Variants in ZFPM1 observed in about 807,000 individuals in gnomAD.
ZFPM1 encodes the protein zinc finger protein ZFPM1.
ZFPM1 carries 28 observed loss-of-function variants against 46.3 expected under a neutral mutation model. The observed-to-expected ratio is 0.60, with a 90% CI of 0.45 to 0.83. ZFPM1 has a LOEUF of 0.83. Among genes scored for constraint, ZFPM1 ranks in the 40% least tolerant of loss-of-function variants. The probability of loss-of-function intolerance (pLI) is 0.00; values close to 1 mark genes in which losing one functional copy is unlikely to be tolerated. For synonymous variants in ZFPM1, 957 were observed against 675.9 expected, an observed-to-expected ratio of 1.42 and a Z score of -6.45; for missense variants, 1,878 against 1,432.4, an observed-to-expected ratio of 1.31 and a Z score of -5.02.
Position 88,532,875 on chromosome 16 carries a change from G to A in ZFPM1, c.1129G>A (p.Gly377Ser). The A allele has an allele frequency of 1.2e-6, 2 of 1,613,390 alleles. No individual in the cohort carries two copies. Among genetic ancestry groups the A allele is most frequent in the Non-Finnish European group, 1.7e-6 (2 of 1,179,960 alleles). Residue 377 changes from glycine to serine, a missense_variant, in exon 9 of 10, where the codon GGC becomes AGC. Physicochemically the swap from Gly to Ser is moderately conservative, Grantham distance 56. Transcript: ENST00000319555. Reference protein sequence around the residue: ...LVTNHMVCQPGSKGEIYSPGA... With the variant: ...LVTNHMVCQPSSKGEIYSPGA... ...CACCAACCACATGGTCTGCCAGCCT[G>A]GCTCCAAGGGTGAGATCTACTCGCC...
chr16:88,456,016 C>G (rs1907543536), intron 1 of ZFPM1, among the ~76,000 whole-genome samples: 1 of 152,154 alleles, frequency 6.6e-6, no homozygotes, highest in South Asian at 2.1e-4. Context: ...CAGGCCCGGC[C>G]GGGTTGGAGA....
intron 1 of ZFPM1, among the ~76,000 whole-genome samples, chr16:88,454,057 C>G (rs1362951318): frequency 6.6e-6 from 1 of 152,258 alleles, no homozygotes; most frequent in African/African-American, 2.4e-5. Context: ...TTCTGCAAGT[C>G]CCGTCCTGAT....
chr16:88,466,351 A>C (rs1351198492), intron 1 of ZFPM1, among the ~76,000 whole-genome samples: 1 of 152,230 alleles, frequency 6.6e-6, no homozygotes, highest in African/African-American at 2.4e-5. Flanking sequence ...CTGAAGGCTC[A>C]GCGAGGTTGA....
Position 88,489,162 on chromosome 16 carries a change from G to A in ZFPM1, c.268+9G>A, listed in dbSNP as rs369970034. 1.8e-5 allele frequency: 29 copies of A among 1,589,394 alleles called. No individual in the cohort carries two copies. Among genetic ancestry groups the A allele is most frequent in the East Asian group, 1.4e-4 (6 of 42,950 alleles). ...TCCCTGGAGCGGGCCAGGTAACCACGCGGGTGGTGGGGGCAGCAGCATCGC... is the reference window on the plus strand; with the variant it reads ...TCCCTGGAGCGGGCCAGGTAACCACACGGGTGGTGGGGGCAGCAGCATCGC... On this transcript the variant is annotated intron_variant, in intron 3 of 9. Coordinates refer to ENST00000319555, the MANE Select transcript of ZFPM1 (RefSeq NM_153813.3).
At chr16:88,476,843 G>T (rs1053973201) in intron 1 of ZFPM1, among the ~76,000 whole-genome samples, 7 of 152,240 alleles carry the variant, frequency 4.6e-5, no homozygotes, top group Non-Finnish European at 4.4e-5. Context: ...CAGGGAATTT[G>T]AGGGCCCGAG....
chr16:88,490,718 A>G (rs900576732), intron 3 of ZFPM1, among the ~76,000 whole-genome samples: 5 of 151,980 alleles, frequency 3.3e-5, no homozygotes, highest in African/African-American at 1.2e-4. Context: ...AGCCAGGAGG[A>G]TGACCCGGCC....
chr16:88,474,228 G>A (rs1056979143), intron 1 of ZFPM1, among the ~76,000 whole-genome samples: 6 of 152,084 alleles, frequency 3.9e-5, no homozygotes, highest in South Asian at 4.1e-4. Flanking sequence ...TGCCCCGCCC[G>A]GGCCACTGCC....
At chr16:88,465,960 G>A (rs922657483) in intron 1 of ZFPM1, among the ~76,000 whole-genome samples, 21 of 152,184 alleles carry the variant, frequency 1.4e-4, no homozygotes, top group African/African-American at 4.3e-4. Flanking sequence ...CAAGGGGCCC[G>A]CCGTGCACGG....
rs537459101 is a variant in ZFPM1 at position 88,532,210 on chromosome 16, G to T, written c.921G>T (p.Leu307=). 19 of 1,607,654 alleles carry T rather than the reference G, an allele frequency of 1.2e-5. No individual in the cohort carries two copies. The South Asian group carries it at 1.9e-4, about 16-fold the overall frequency. The change falls in exon 7 of 10, where the codon CTG becomes CTT. Residue 307 remains leucine, a synonymous_variant. Transcript: ENST00000319555. ...AGAGCTGCCCCAGCGCCAGCTCCCT[G>T]GAGATCCACATGCGCAGCCACAGCG... is the stretch of plus-strand genomic sequence containing the variant. The part of the protein sequence containing the change: ...CRKSCPSASS[L]EIHMRSHSGE...
intron 1 of ZFPM1, among the ~76,000 whole-genome samples, chr16:88,478,352 C>T (rs938365258): frequency 3.4e-5 from 5 of 146,450 alleles, no homozygotes; most frequent in African/African-American, 9.9e-5. Context: ...TGAGGAGCTG[C>T]GGGTGGGCCA....
intron 1 of ZFPM1, among the ~76,000 whole-genome samples, chr16:88,458,668 C>T (rs1907664978): frequency 6.6e-6 from 1 of 152,248 alleles, no homozygotes; most frequent in African/African-American, 2.4e-5. Context: ...ATGGACCCGG[C>T]CCGGCCACAC....
At chr16:88,513,704 CAG>C (rs1286735940) in intron 3 of ZFPM1, among the ~76,000 whole-genome samples, 8 of 152,230 alleles carry the variant, frequency 5.3e-5, no homozygotes, top group Admixed American at 6.5e-5. Context: ...CTTCAGGCAG[CAG>C]AGTGTGTCCT....
intron 4 of ZFPM1, among the ~76,000 whole-genome samples, chr16:88,520,563 T>C (rs1252297996): frequency 9.4e-5 from 11 of 117,204 alleles, no homozygotes; most frequent in African/African-American, 2.6e-4. Flanking sequence ...GATGGATGGA[T>C]GGATGGATGG....
Position 88,469,508 on chromosome 16 carries a change from T to C in ZFPM1, c.40+15830T>C, listed in dbSNP as rs1908315403. 3.3e-5 allele frequency among the ~76,000 whole-genome samples: 5 copies of C among 152,152 alleles called. No individual in the cohort carries two copies. Among genetic ancestry groups the C allele is most frequent in the Admixed American group, 3.3e-4 (5 of 15,282 alleles). ...CTGGAAACCTGGGGTCTTCCAGATT[T>C]CCCATTGTCAGAAATTCATGTGCCA... is the stretch of plus-strand genomic sequence containing the variant. On this transcript the variant is annotated intron_variant, in intron 1 of 9. Transcript: ENST00000319555. This position sits in a 1 kb window ranked among gnomAD's most constrained non-coding sequence, Gnocchi z 4.3.
At chr16:88,457,876 G>C (rs551948194) in intron 1 of ZFPM1, among the ~76,000 whole-genome samples, 1 of 152,208 alleles carries the variant, frequency 6.6e-6, no homozygotes, top group Admixed American at 6.5e-5. Flanking sequence ...AGCAGGGTCT[G>C]GCGGACCCCG....
At chr16:88,493,051 C>G (rs1909676582) in intron 3 of ZFPM1, among the ~76,000 whole-genome samples, 1 of 149,684 alleles carries the variant, frequency 6.7e-6, no homozygotes, top group Non-Finnish European at 1.5e-5. Context: ...GGAGAGCTAT[C>G]CCGGGGTGCG....
In ZFPM1 at chr16:88,453,552, C is replaced by A. The variant is rs1907383086; in HGVS notation, c.-87C>A. Reference sequence around the variant, plus strand: ...GACCGGGGGCCGGGGGCATGAGCGGCCCCGCGGCCCCGCCGCGCCCCCGCC... The same window carrying A: ...GACCGGGGGCCGGGGGCATGAGCGGACCCGCGGCCCCGCCGCGCCCCCGCC... On this transcript the variant is annotated 5_prime_UTR_variant, in exon 1 of 10. Coordinates refer to ENST00000319555, the MANE Select transcript of ZFPM1 (RefSeq NM_153813.3). The A allele has an allele frequency of 2.5e-5, 17 of 675,004 alleles. No homozygotes were observed. Among genetic ancestry groups the A allele is most frequent in the Non-Finnish European group, 2.9e-5 (16 of 549,558 alleles). The allele number at this position is 675,004 out of a possible 1,614,324, so 41.8% of individuals were successfully genotyped here.
Position 88,534,469 on chromosome 16 carries a change from G to C in ZFPM1, c.2511G>C (p.Lys837Asn). 6.7e-7 allele frequency: 1 copy of C among 1,492,864 alleles called. No homozygotes were observed. The highest frequency in any genetic ancestry group is 8.9e-7 in the Non-Finnish European group (1 of 1,128,290). 92.5% of individuals were successfully genotyped at this position (1,492,864 alleles called of 1,614,324 possible). A position where few individuals can be genotyped will look rare whatever the true frequency, so the allele number is the denominator to read the frequency against. The change falls in exon 10 of 10, where the codon AAG becomes AAC. Residue 837 changes from lysine to asparagine, a missense_variant. Lys to Asn is a moderately conservative substitution (Grantham distance 94). Coordinates refer to ENST00000319555, the MANE Select transcript of ZFPM1 (RefSeq NM_153813.3). ...TCGAGGCCTACCTGGCGCACAAGAA[G>C]TACTCGTGCCCCGCTGCGCCACCGC... ...HSLEAYLAHK[K>N]YSCPAAPPPG... is the part of the protein sequence containing the mutation.
chr16:88,479,694 G>GC (rs1908840831), intron 1 of ZFPM1, among the ~76,000 whole-genome samples: 1 of 151,296 alleles, frequency 6.6e-6, no homozygotes, highest in Non-Finnish European at 1.5e-5. Flanking sequence ...GCAATGCTGT[G>GC]ACCCCCCCCC....
Sources: gnomAD v4.1 joint callset for allele counts (sites outside exome capture counted in the v4.1 genomes callset) on GRCh38, gnomAD v4.1.1 for gene constraint, Gnocchi (gnomAD v3.1) non-coding constraint, MANE v1.5 for transcripts, NCBI Gene and HGNC (gene_info 2026-07-23, HGNC 2026-07-21) for gene names.